Variants in WFS1 observed in about 807,000 individuals in gnomAD.
WFS1 encodes wolframin ER transmembrane glycoprotein.
In WFS1, 90 loss-of-function variants were observed where a neutral mutation model predicts 68.5. The observed-to-expected ratio is 1.31, with a 90% CI of 1.11 to 1.56. The LOEUF (loss-of-function observed/expected upper bound fraction) is 1.56, where lower values mean the gene tolerates loss of function less well. WFS1 is among the 40% of genes most tolerant of loss of function. The pLI, the probability that WFS1 is intolerant of heterozygous loss-of-function variation, is 0.00. For synonymous variants in WFS1, 860 were observed against 540.7 expected, an observed-to-expected ratio of 1.59 and a Z score of -8.19; for missense variants, 1,767 against 1,232.6, an observed-to-expected ratio of 1.43 and a Z score of -6.49.
At chr4:6,273,894 T>C (rs1199662578) in intron 1 of WFS1, among the ~76,000 whole-genome samples, 2 of 152,184 alleles carry the variant, frequency 1.3e-5, no homozygotes, top group Non-Finnish European at 2.9e-5. Context: ...GATTTTACTT[T>C]AAACAGTTTT....
chr4:6,300,774 C>T lies in WFS1; in HGVS notation c.979C>T (p.Leu327Phe), dbSNP rs71537678. The part of the protein sequence containing the change: ...TIIPTHHINA[L>F]IFFFIVSNLT... ...CATCCCCACGCACCACATCAACGCG[C>T]TCATCTTCTTCTTCATCGTCAGCAA... Residue 327 changes from leucine (L) to phenylalanine (F), a missense_variant, in exon 8 of 8, where the codon CTC (leucine) becomes TTC (phenylalanine). Physicochemically the swap from Leu to Phe is conservative, Grantham distance 22. Transcript: ENST00000226760. 16 of 1,613,930 alleles carry T rather than the reference C, an allele frequency of 9.9e-6. No homozygotes were observed. The highest frequency in any genetic ancestry group is 4.0e-5 in the African/African-American group (3 of 74,868).
chr4:6,289,228 C>T, intron 4 of WFS1, 97 bp downstream of exon 4: 1 of 1,438,958 alleles, frequency 6.9e-7, no homozygotes. Context: ...AAACCTAACG[C>T]TGGTGATGCT....
chr4:6,299,034 C>T (rs1429590946), intron 7 of WFS1, among the ~76,000 whole-genome samples: 1 of 152,244 alleles, frequency 6.6e-6, no homozygotes, highest in East Asian at 1.9e-4. Context: ...GGTGTTGGTC[C>T]AGGCCCCTGG....
intron 2 of WFS1, among the ~76,000 whole-genome samples, chr4:6,285,507 G>A (rs1730288491): frequency 6.6e-6 from 1 of 152,154 alleles, no homozygotes; most frequent in Admixed American, 6.5e-5. Flanking sequence ...GAATCCATCT[G>A]ATTCTTTCCT....
chr4:6,279,510 A>G (rs1396681497), intron 2 of WFS1, among the ~76,000 whole-genome samples: 1 of 152,174 alleles, frequency 6.6e-6, no homozygotes, highest in Non-Finnish European at 1.5e-5. Flanking sequence ...GCCTCAGGTC[A>G]TCTGCGCCCA....
chr4:6,296,061 G>A (rs1330300532), intron 7 of WFS1, among the ~76,000 whole-genome samples: 3 of 152,238 alleles, frequency 2.0e-5, no homozygotes, highest in Admixed American at 6.5e-5. Flanking sequence ...TGAACTGACT[G>A]AGAACCTGGA....
intron 6 of WFS1, 185 bp from the exon 7 acceptor site, chr4:6,294,856 C>A: frequency 1.1e-6 from 1 of 929,214 alleles, no homozygotes; most frequent in Non-Finnish European, 1.6e-6. Flanking sequence ...AACCTGCCCC[C>A]TTCCTCCTCA....
chr4:6,274,605 CAG>C (rs1446523808), intron 1 of WFS1, among the ~76,000 whole-genome samples: 2 of 151,992 alleles, frequency 1.3e-5, no homozygotes, highest in East Asian at 3.9e-4. Context: ...GTGAGGAAGA[CAG>C]GGACTCGGGA....
At chr4:6,293,912 G>A (rs985721983) in intron 6 of WFS1, among the ~76,000 whole-genome samples, 2 of 152,174 alleles carry the variant, frequency 1.3e-5, no homozygotes, top group Non-Finnish European at 2.9e-5. Context: ...CCTGTACCTG[G>A]CTGTCCCATG....
chr4:6,302,259 C>A lies in WFS1; in HGVS notation c.2464C>A (p.Leu822Ile). The A allele has an allele frequency of 1.2e-6, 2 of 1,604,788 alleles. No individual in the cohort carries two copies. The highest frequency in any genetic ancestry group is 8.5e-7 in the Non-Finnish European group (1 of 1,173,924). Residue 822 changes from leucine (L) to isoleucine (I), a missense_variant, in exon 8 of 8, where the codon CTC becomes ATC. By Grantham distance (5) the Leu-to-Ile change is conservative (BLOSUM62 2). Transcript: ENST00000226760. ...SVLLSLRQGS[L>I]IEFSTILEGR... is the part of the protein sequence containing the mutation. Reference sequence around the variant, plus strand: ...GCTGCTCAGCCTGCGCCAGGGCAGCCTCATCGAGTTCAGCACCATCCTGGA... The same window carrying A: ...GCTGCTCAGCCTGCGCCAGGGCAGCATCATCGAGTTCAGCACCATCCTGGA...
At chr4:6,270,594 C>T (rs958628740) in intron 1 of WFS1, among the ~76,000 whole-genome samples, 13 of 152,204 alleles carry the variant, frequency 8.5e-5, no homozygotes, top group Admixed American at 8.5e-4. Flanking sequence ...CGGGGCCCCT[C>T]AGTAGAGAGT....
intron 1 of WFS1, among the ~76,000 whole-genome samples, chr4:6,272,212 A>T (rs1418289527): frequency 6.6e-6 from 1 of 152,142 alleles, no homozygotes; most frequent in Non-Finnish European, 1.5e-5. Flanking sequence ...CCTGGACAAG[A>T]CTTCTCTAGG....
At position 6,301,009 on chromosome 4, in the gene WFS1, A is replaced by G. The variant is rs769514478; in HGVS notation, c.1214A>G (p.Tyr405Cys). The change falls in exon 8 of 8, where the codon TAT becomes TGT. Residue 405 changes from tyrosine (Y) to cysteine (C), a missense_variant. Coordinates refer to ENST00000226760, the MANE Select transcript of WFS1 (RefSeq NM_006005.3). ...VNFGWNHLEP[Y>C]AHFLLSVFFV... ...TTCGGCTGGAACCACCTGGAGCCCTATGCCCATTTCCTGCTCTCTGTCTTC... is the reference window on the plus strand; with the variant it reads ...TTCGGCTGGAACCACCTGGAGCCCTGTGCCCATTTCCTGCTCTCTGTCTTC... The G allele has an allele frequency of 1.9e-5, 30 of 1,613,924 alleles. No individual in the cohort carries two copies. Among genetic ancestry groups the G allele is most frequent in the Non-Finnish European group, 2.5e-5 (30 of 1,179,994 alleles).
chr4:6,276,034 A>G (rs1201104974), intron 1 of WFS1, among the ~76,000 whole-genome samples: 1 of 152,200 alleles, frequency 6.6e-6, no homozygotes, highest in Non-Finnish European at 1.5e-5. Context: ...CAGAGCCAGG[A>G]GTACAGCGCT....
chr4:6,299,497 TG>T (rs1730766842), intron 7 of WFS1, among the ~76,000 whole-genome samples: 1 of 141,470 alleles, frequency 7.1e-6, no homozygotes, highest in Admixed American at 7.0e-5. Context: ...TGCACGTGTG[TG>T]TAGGGGTGGG....
Position 6,272,945 on chromosome 4 carries a change from C to G in WFS1, c.-6+2931C>G, listed in dbSNP as rs980515311. ...GAGGGGTGTAGGCTTTATAGCCAGC[C>G]CCTTTCTGGACAGTGCTGAAAGTGC... is the stretch of plus-strand genomic sequence containing the variant. On this transcript the variant is annotated intron_variant, in intron 1 of 7. Coordinates refer to ENST00000226760, the MANE Select transcript of WFS1 (RefSeq NM_006005.3). Among the ~76,000 whole-genome samples the G allele has an allele frequency of 3.9e-5, 6 of 152,314 alleles. No individual in the cohort carries two copies. The South Asian group carries it at 6.2e-4, about 16-fold the overall frequency.
At chr4:6,285,582 T>G (rs113247590) in intron 2 of WFS1, among the ~76,000 whole-genome samples, 52 of 152,162 alleles carry the variant, frequency 3.4e-4, no homozygotes, top group Non-Finnish European at 6.5e-4. Flanking sequence ...ACCTGCGACT[T>G]TTGAGTTGTC....
rs763480468 is a variant in WFS1 at position 6,291,994 on chromosome 4, G to C, written c.709G>C (p.Glu237Gln). Residue 237 changes from glutamate to glutamine, a missense_variant, in exon 6 of 8, where the codon GAG becomes CAG. Transcript: ENST00000226760. ...RRMLERLVSS[E>Q]SKNYIALDDF... The stretch of plus-strand genomic sequence containing the variant: ...CATGCTGGAGCGCCTGGTCAGCAGC[G>C]AGTGTGAGTGCAGCCCCTGCCCCGT... 1 of 1,606,534 alleles carries C rather than the reference G, an allele frequency of 6.2e-7. No individual in the cohort carries two copies. Among genetic ancestry groups the C allele is most frequent in the South Asian group, 1.1e-5 (1 of 89,454 alleles).
intron 6 of WFS1, 116 bp from the exon 7 acceptor site, chr4:6,294,925 A>G: frequency 6.4e-7 from 1 of 1,560,276 alleles, no homozygotes; most frequent in Non-Finnish European, 8.8e-7. Flanking sequence ...ACCTGAACCC[A>G]CTCAGCTCCT....
Sources: allele counts gnomAD v4.1 joint callset (sites outside exome capture counted in the v4.1 genomes callset), GRCh38; gene constraint gnomAD v4.1.1; transcripts MANE v1.5; gene names NCBI Gene and HGNC (gene_info 2026-07-23, HGNC 2026-07-21).